CTNND2: variants seen among roughly 807,000 people sequenced by gnomAD.
CTNND2 encodes catenin delta 2.
A neutral mutation model predicts 144.4 loss-of-function variants in CTNND2; 22 were observed. The ratio of observed to expected loss-of-function variants is 0.15; its 90% confidence interval spans 0.11 to 0.22. The LOEUF is 0.22. CTNND2 is among the 10% of genes least tolerant of loss of function. The pLI is 1.00. For synonymous variants in CTNND2, 751 were observed against 695.6 expected (o/e 1.08, Z -1.25); for missense variants, 1,353 against 1,618.8 (o/e 0.84, Z 2.82).
At position 11,784,051 on chromosome 5, in the gene CTNND2, C is replaced by A. The variant is rs4327599; in HGVS notation, c.38-51779G>T. On this transcript the variant is annotated intron_variant, in intron 1 of 21. Coordinates refer to ENST00000304623, the MANE Select transcript of CTNND2 (RefSeq NM_001332.4). ...TCCACAAAAGTTGTTGCAAAACAAA[C>A]CAGAACAAAAACAACAACCACTTAT... is the stretch of plus-strand genomic sequence containing the variant. Among the ~76,000 whole-genome samples the A allele has an allele frequency of 9.2e-5, 14 of 152,214 alleles. 1 individual carries two copies. Among genetic ancestry groups the A allele is most frequent in the Admixed American group, 8.5e-4 (13 of 15,286 alleles).
chr5:11,345,864 C>G (rs924415537), intron 9 of CTNND2, among the ~76,000 whole-genome samples: 1 of 151,316 alleles, frequency 6.6e-6, no homozygotes, highest in African/African-American at 2.4e-5. Flanking sequence ...ACATTTTTAT[C>G]AGTCTTTAAA....
At chr5:11,403,675 A>T (rs1258240440) in intron 5 of CTNND2, among the ~76,000 whole-genome samples, 3 of 152,262 alleles carry the variant, frequency 2.0e-5, no homozygotes. Context: ...TTATTTCTTC[A>T]TAAATAGTTT....
intron 2 of CTNND2, among the ~76,000 whole-genome samples, chr5:11,721,891 T>C (rs1024286430): frequency 6.6e-6 from 1 of 152,186 alleles, no homozygotes; most frequent in Non-Finnish European, 1.5e-5. Flanking sequence ...AGAGGAAATA[T>C]GGAGCTCGTC....
chr5:11,142,997 G>A (rs149911099), intron 12 of CTNND2, among the ~76,000 whole-genome samples: 2 of 152,250 alleles, frequency 1.3e-5, no homozygotes, highest in Admixed American at 6.5e-5. Context: ...GATTAGATGA[G>A]GCAGTGTGTG....
At chr5:11,185,482 C>T (rs966321251) in intron 11 of CTNND2, among the ~76,000 whole-genome samples, 13 of 152,352 alleles carry the variant, frequency 8.5e-5, no homozygotes, top group Admixed American at 2.0e-4. Flanking sequence ...GGATTACAGG[C>T]CTCATGATAC....
intron 8 of CTNND2, among the ~76,000 whole-genome samples, chr5:11,347,083 T>C (rs1754875819): frequency 6.6e-6 from 1 of 152,208 alleles, no homozygotes; most frequent in African/African-American, 2.4e-5. Context: ...GTTAATTTTC[T>C]TGAATCAAAG....
intron 3 of CTNND2, among the ~76,000 whole-genome samples, chr5:11,463,863 A>G (rs956821065): frequency 6.6e-6 from 1 of 152,080 alleles, no homozygotes; most frequent in Non-Finnish European, 1.5e-5. Flanking sequence ...ACAAAAAAAA[A>G]AAAAGATTTC....
chr5:11,458,649 T>G (rs147153668), intron 3 of CTNND2, among the ~76,000 whole-genome samples: 1 of 152,230 alleles, frequency 6.6e-6, no homozygotes, highest in Non-Finnish European at 1.5e-5. Context: ...CTACAAGATG[T>G]TAATAGTTGC....
chr5:11,085,413 T>C (rs1398228899), intron 15 of CTNND2, among the ~76,000 whole-genome samples: 1 of 152,210 alleles, frequency 6.6e-6, no homozygotes, highest in Admixed American at 6.5e-5. Context: ...ATGAGACCAA[T>C]TTGTCCAGAT....
intron 12 of CTNND2, among the ~76,000 whole-genome samples, chr5:11,146,346 G>A (rs963780169): frequency 2.0e-5 from 3 of 152,200 alleles, no homozygotes; most frequent in East Asian, 1.9e-4. Context: ...TGGCTGCAGA[G>A]TTCAGTGCTG....
intron 1 of CTNND2, among the ~76,000 whole-genome samples, chr5:11,873,014 T>G (rs1401351149): frequency 6.6e-6 from 1 of 152,130 alleles, no homozygotes; most frequent in Non-Finnish European, 1.5e-5. Flanking sequence ...CTAATTAAAC[T>G]AAAGAGCTTC....
intron 10 of CTNND2, among the ~76,000 whole-genome samples, chr5:11,226,353 C>A (rs576117906): frequency 6.6e-6 from 1 of 152,188 alleles, no homozygotes; most frequent in Non-Finnish European, 1.5e-5. Context: ...GCTGTCCACC[C>A]GCTTTACTGT....
intron 1 of CTNND2, among the ~76,000 whole-genome samples, chr5:11,832,280 C>T (rs375948385): frequency 6.6e-6 from 1 of 151,514 alleles, no homozygotes; most frequent in African/African-American, 2.4e-5. Context: ...GAGATTCCAT[C>T]TCACAAAAAT....
At chr5:11,387,842 C>T (rs1027540042) in intron 6 of CTNND2, among the ~76,000 whole-genome samples, 1 of 152,114 alleles carries the variant, frequency 6.6e-6, no homozygotes, top group Non-Finnish European at 1.5e-5. Context: ...AATATTAAGT[C>T]GGTATTCATT....
chr5:11,892,422 T>C (rs1425292115), intron 1 of CTNND2, among the ~76,000 whole-genome samples: 2 of 152,196 alleles, frequency 1.3e-5, no homozygotes, highest in African/African-American at 4.8e-5. Context: ...TCTACTAATA[T>C]GAAAACCATT....
intron 16 of CTNND2, among the ~76,000 whole-genome samples, chr5:11,077,755 G>A (rs548058000): frequency 6.6e-6 from 1 of 152,306 alleles, no homozygotes; most frequent in African/African-American, 2.4e-5. Flanking sequence ...TAAGCCAGGA[G>A]AGGGATGATG....
intron 5 of CTNND2, among the ~76,000 whole-genome samples, chr5:11,411,176 T>C (rs545537338): frequency 5.1e-4 from 78 of 152,000 alleles, no homozygotes; most frequent in Non-Finnish European, 8.8e-4. Context: ...CCGGCCAGCA[T>C]TGATAGTTAA....
chr5:11,295,368 G>A (rs1373661925), intron 9 of CTNND2, among the ~76,000 whole-genome samples: 3 of 152,066 alleles, frequency 2.0e-5, no homozygotes, highest in Non-Finnish European at 2.9e-5. Context: ...CCGTGTTCAT[G>A]GGTAGGAAGA....
At chr5:11,070,188 G>T (rs1197347076) in intron 16 of CTNND2, among the ~76,000 whole-genome samples, 1 of 152,052 alleles carries the variant, frequency 6.6e-6, no homozygotes, top group Non-Finnish European at 1.5e-5. Flanking sequence ...CTTTATCTGT[G>T]ATATATTTGT....
Sources: gnomAD v4.1 joint callset for allele counts (sites outside exome capture counted in the v4.1 genomes callset) on GRCh38, gnomAD v4.1.1 for gene constraint, MANE v1.5 for transcripts, NCBI Gene and HGNC (gene_info 2026-07-23, HGNC 2026-07-21) for gene names.